GRIP1: variants seen among roughly 807,000 people sequenced by gnomAD.
GRIP1 encodes the protein glutamate receptor-interacting protein 1.
In GRIP1, 45 loss-of-function variants were observed where a neutral mutation model predicts 129.9. The ratio of observed to expected loss-of-function variants is 0.35; its 90% CI spans 0.27 to 0.44. The LOEUF (loss-of-function observed/expected upper bound fraction) is 0.44. Among genes scored for constraint, GRIP1 ranks in the 20% least tolerant of loss-of-function variants. The pLI is 1.00. For missense variants in GRIP1, 1,196 were observed against 1,396.8 expected (o/e 0.86, Z 2.29); for synonymous variants, 530 against 520.8 (o/e 1.02, Z -0.24).
chr12:66,602,688 T>C (rs1375387285), intron 1 of GRIP1, among the ~76,000 whole-genome samples: 3 of 152,174 alleles, frequency 2.0e-5, no homozygotes, highest in East Asian at 1.9e-4. Context: ...CTCTTTCCTA[T>C]GAAAAGATGA....
At chr12:66,822,550 CAT>C (rs2039338703) in intron 1 of GRIP1, among the ~76,000 whole-genome samples, 1 of 152,122 alleles carries the variant, frequency 6.6e-6, no homozygotes, top group Admixed American at 6.5e-5. Flanking sequence ...CACATGAACT[CAT>C]ATGTTTGTCA....
intron 1 of GRIP1, among the ~76,000 whole-genome samples, chr12:66,788,996 T>G (rs1320053160): frequency 6.6e-6 from 1 of 152,168 alleles, no homozygotes; most frequent in Non-Finnish European, 1.5e-5. Context: ...AGATTAACAA[T>G]AAAATACTTA....
At chr12:66,548,990 C>T (rs958763255) in intron 2 of GRIP1, among the ~76,000 whole-genome samples, 18 of 152,104 alleles carry the variant, frequency 1.2e-4, no homozygotes, top group East Asian at 5.8e-4. Context: ...GCAAAACAGG[C>T]GAAGCTCTTT....
intron 1 of GRIP1, among the ~76,000 whole-genome samples, chr12:66,630,015 A>G (rs879663067): frequency 1.3e-5 from 2 of 151,384 alleles, no homozygotes; most frequent in Non-Finnish European, 2.9e-5. Context: ...TTTTGCAGCT[A>G]CAATATCCAA....
chr12:66,728,912 C>T (rs1279277777), intron 1 of GRIP1, among the ~76,000 whole-genome samples: 6 of 152,174 alleles, frequency 3.9e-5, no homozygotes, highest in African/African-American at 1.4e-4. Context: ...TCCCCTTCCT[C>T]CCTTCCTTTC....
chr12:66,436,737 C>G (rs146303003), intron 13 of GRIP1, among the ~76,000 whole-genome samples: 2,760 of 152,194 alleles, frequency 0.018, 93 homozygotes, highest in African/African-American at 0.063. Flanking sequence ...AACCCTAGCA[C>G]TTTGGGAGGC....
intron 1 of GRIP1, among the ~76,000 whole-genome samples, chr12:67,039,882 G>A (rs1472792729): frequency 1.3e-5 from 2 of 152,122 alleles, no homozygotes; most frequent in African/African-American, 4.8e-5. Flanking sequence ...AGGAAAAGAT[G>A]TTTTAAATTT....
At chr12:66,542,242 A>G (rs2061806736) in intron 2 of GRIP1, among the ~76,000 whole-genome samples, 1 of 152,192 alleles carries the variant, frequency 6.6e-6, no homozygotes, top group South Asian at 2.1e-4. Context: ...TGCCATTCTC[A>G]GGTGACATTC....
intron 2 of GRIP1, among the ~76,000 whole-genome samples, chr12:66,590,245 C>T (rs2063805768): frequency 6.6e-6 from 1 of 152,128 alleles, no homozygotes; most frequent in Non-Finnish European, 1.5e-5. Context: ...AAAAATTTCC[C>T]CTAAATTGCA....
At chr12:66,628,412 G>A (rs1359822229) in intron 1 of GRIP1, among the ~76,000 whole-genome samples, 1 of 152,136 alleles carries the variant, frequency 6.6e-6, no homozygotes, top group Non-Finnish European at 1.5e-5. Flanking sequence ...GTACTAACAT[G>A]TACAAGGAAC....
At chr12:66,917,275 A>T (rs2041138969) in intron 1 of GRIP1, among the ~76,000 whole-genome samples, 1 of 152,232 alleles carries the variant, frequency 6.6e-6, no homozygotes, top group Non-Finnish European at 1.5e-5. Context: ...CAAAAACAAC[A>T]AAACTCAGTA....
At chr12:66,407,650 T>A (rs2057242986) in intron 15 of GRIP1, among the ~76,000 whole-genome samples, 1 of 152,114 alleles carries the variant, frequency 6.6e-6, no homozygotes, top group Non-Finnish European at 1.5e-5. Flanking sequence ...AACATTTAGA[T>A]CAGCCCTAGG....
rs188920715 is a variant in GRIP1, at chr12:67,064,852, C to T, written c.58+4198G>A. 7.8e-3 allele frequency among the ~76,000 whole-genome samples: 1,189 copies of T among 151,654 alleles called. 11 individuals carry two copies. Among genetic ancestry groups the T allele is most frequent in the South Asian group, 0.043 (206 of 4,760 alleles). On this transcript the variant is annotated intron_variant, in intron 1 of 1. Coordinates refer to the GRIP1 transcript ENST00000643019. ...GTGACATGCTGGTGCGCTGCACCCA[C>T]TAACTCGTCATCTAGCATTAGGTAT...
At chr12:66,953,517 A>G (rs1807587075) in intron 1 of GRIP1, among the ~76,000 whole-genome samples, 1 of 152,198 alleles carries the variant, frequency 6.6e-6, no homozygotes. Context: ...GTTTGTTTTT[A>G]GTGTAAATCA....
At chr12:67,051,946 T>C (rs1279384212) in intron 1 of GRIP1, among the ~76,000 whole-genome samples, 1 of 152,220 alleles carries the variant, frequency 6.6e-6, no homozygotes, top group Non-Finnish European at 1.5e-5. Flanking sequence ...ACAAAGCTAT[T>C]CATCAAATGA....
At chr12:66,842,481 G>A (rs1302736744) in intron 1 of GRIP1, among the ~76,000 whole-genome samples, 1 of 152,114 alleles carries the variant, frequency 6.6e-6, no homozygotes, top group Non-Finnish European at 1.5e-5. Flanking sequence ...TCCTTTGGGT[G>A]TTGTTATGAG....
chr12:66,594,067 C>CAAAAAA (rs10661389), intron 2 of GRIP1, among the ~76,000 whole-genome samples: 2 of 52,926 alleles, frequency 3.8e-5, no homozygotes, highest in African/African-American at 8.6e-5. Flanking sequence ...GACTCCGTCT[C>CAAAAAA]AAAAAAAAAA....
At position 66,378,216 on chromosome 12, in the gene GRIP1, C is replaced by T. The variant is rs964054787; in HGVS notation, c.2622-931G>A. On this transcript the variant is annotated intron_variant, in intron 20 of 24. Transcript: ENST00000359742. ...CAGCACTTTGGGAGGCCTAGGTGGG[C>T]AGATCACTTGAGGTCAGGAGTTTGA... Among the ~76,000 whole-genome samples, 9 of 151,896 alleles carry T rather than the reference C, an allele frequency of 5.9e-5. No individual in the cohort carries two copies. The East Asian group carries it at 1.7e-3, about 29-fold the overall frequency.
chr12:66,380,341 A>G (rs2056047362), intron 19 of GRIP1, among the ~76,000 whole-genome samples: 1 of 152,234 alleles, frequency 6.6e-6, no homozygotes. Flanking sequence ...AACCAGGCAC[A>G]AACTCACAGC....
Sources: allele counts gnomAD v4.1 joint callset (sites outside exome capture counted in the v4.1 genomes callset), GRCh38; gene constraint gnomAD v4.1.1; transcripts MANE v1.5; gene names NCBI Gene and HGNC (gene_info 2026-07-23, HGNC 2026-07-21).